Variants in PLXNB1 observed in about 807,000 individuals in gnomAD.
PLXNB1 encodes the protein plexin B1, also known as plexin-B1.
In PLXNB1, 106 loss-of-function variants were observed where a neutral mutation model predicts 209.4. That is an observed-to-expected ratio of 0.51 (90% CI 0.43 to 0.59). The LOEUF is 0.59. Among genes scored for constraint, PLXNB1 ranks in the 20% least tolerant of loss-of-function variants. PLXNB1 has a pLI of 0.00. For synonymous variants in PLXNB1, 1,167 were observed against 1,183.2 expected (o/e 0.99, Z 0.28); for missense variants, 2,357 against 2,853.2 (o/e 0.83, Z 3.96).
Position 48,419,344 on chromosome 3 carries a change from C to G in PLXNB1, c.2732G>C (p.Ser911Thr). 1 of 1,574,898 alleles carries G rather than the reference C, an allele frequency of 6.3e-7. No individual in the cohort carries two copies. The highest frequency in any genetic ancestry group is 8.6e-7 in the Non-Finnish European group (1 of 1,157,180). ...AACGCTCTCCACACAGGGGCAGGAG[C>G]TTGCCCCCAAGGTCGCCTCTTCCTG... is the stretch of plus-strand genomic sequence containing the variant. The part of the protein sequence containing the change: ...WELEEATLGA[S>T]SCPCVESVQG... Residue 911 changes from serine to threonine, a missense_variant, in exon 12 of 38, where the codon AGC becomes ACC. Transcript: ENST00000296440. This position sits in a 1 kb window ranked among gnomAD's most constrained non-coding sequence, Gnocchi z 5.7.
In PLXNB1 at chr3:48,420,870, T is replaced by G; in HGVS notation, c.1897A>C (p.Thr633Pro). Reference sequence around the variant, plus strand: ...CACTGCGCAGATGGGCGGAGTTCAGTGACCGCCACACAGTCATAGAAAGAG... The same window carrying G: ...CACTGCGCAGATGGGCGGAGTTCAGGGACCGCCACACAGTCATAGAAAGAG... ...SLSFYDCVAV[T>P]ELRPSAQCQA... is the part of the protein sequence containing the mutation. The change falls in exon 9 of 38, where the codon ACT becomes CCT. Residue 633 changes from threonine to proline, a missense_variant. Thr to Pro is a conservative substitution (Grantham distance 38, BLOSUM62 -1). Around this residue, in one of 7 missense-constraint regions of PLXNB1, gnomAD observed 214 missense variants for 297.1 expected, o/e 0.72. Coordinates refer to ENST00000296440, the MANE Select transcript of PLXNB1 (RefSeq NM_001130082.3). The G allele has an allele frequency of 1.2e-6, 2 of 1,613,994 alleles. No individual in the cohort carries two copies. The highest frequency in any genetic ancestry group is 1.7e-6 in the Non-Finnish European group (2 of 1,179,846).
chr3:48,409,483 G>A lies in PLXNB1; in HGVS notation c.5940-7C>T. The A allele has an allele frequency of 3.1e-6, 5 of 1,614,154 alleles. No homozygotes were observed. Among genetic ancestry groups the A allele is most frequent in the Non-Finnish European group, 4.2e-6 (5 of 1,180,040 alleles). The stretch of plus-strand genomic sequence containing the variant: ...CCAGAACCTCAGAGGCAAGCTGCGG[G>A]TGGGGCAGGCATGGCCGATGAATGT... On this transcript the variant is annotated splice_polypyrimidine_tract_variant and splice_region_variant and intron_variant, in intron 33 of 37. Transcript: ENST00000296440. This position sits in a 1 kb window ranked among gnomAD's most constrained non-coding sequence, Gnocchi z 5.8.
chr3:48,420,279 G>A (rs1356508116), intron 10 of PLXNB1, 22 bp from the exon 11 acceptor site: 1 of 1,465,946 alleles, frequency 6.8e-7, no homozygotes, highest in Non-Finnish European at 9.3e-7. Flanking sequence ...GGCAGAGGAA[G>A]ACAGGAAGGG....
chr3:48,412,171 A>G (rs2037727450), intron 27 of PLXNB1, 67 bp downstream of exon 27: 1 of 1,549,184 alleles, frequency 6.5e-7, no homozygotes, highest in Non-Finnish European at 8.9e-7. Flanking sequence ...ATGGTGGCTG[A>G]GGGCTTAGAA....
rs1390307655 is a variant in PLXNB1 at position 48,405,432 on chromosome 3, T to C, written c.6303+292A>G. Among the ~76,000 whole-genome samples the C allele has an allele frequency of 6.6e-6, 1 of 152,068 alleles. No homozygotes were observed. Among genetic ancestry groups the C allele is most frequent in the Non-Finnish European group, 1.5e-5 (1 of 68,000 alleles). ...CCCAACATGCTGCCAACTCAGCAAA[T>C]GCACACCATCTCCAGGCCCTGGTAG... On this transcript the variant is annotated intron_variant, in intron 37 of 37. Coordinates refer to ENST00000296440, the MANE Select transcript of PLXNB1 (RefSeq NM_001130082.3). The surrounding 1 kb of genome is among the most constrained non-coding windows in gnomAD (Gnocchi z 5.0).
At position 48,410,045 on chromosome 3, in the gene PLXNB1, C is replaced by T. The variant is rs2037567369; in HGVS notation, c.5638G>A (p.Gly1880Ser). 6.2e-7 allele frequency: 1 copy of T among 1,606,974 alleles called. No individual in the cohort carries two copies. The change falls in exon 32 of 38, where the codon GGC becomes AGC. Residue 1880 changes from glycine (G) to serine (S), a missense_variant. Gly to Ser is a moderately conservative substitution (Grantham distance 56). This residue lies in a region of PLXNB1 where 414 missense variants were observed against 520.5 expected (regional missense o/e 0.80). Coordinates refer to ENST00000296440, the MANE Select transcript of PLXNB1 (RefSeq NM_001130082.3). The surrounding 1 kb of genome is among the most constrained non-coding windows in gnomAD (Gnocchi z 6.4). ...TTCACCAGGTGCCAGGGCCGGATGC[C>T]CCCCTCATCTACATCCTCCAGCATT... The part of the protein sequence containing the change: ...TPMLEDVDEG[G>S]IRPWHLVKPS...
rs780758044 is a variant in PLXNB1 at position 48,417,914 on chromosome 3, C to A, written c.3371G>T (p.Ser1124Ile). The part of the protein sequence containing the change: ...AVDAQEYEVS[S>I]SLVCITGASG... ...CTGCTGGGTGCAGCCAGCTTACCTG[C>A]TGGAGACCTCGTACTCCTGGGCATC... The change falls in exon 16 of 38, where the codon AGC becomes ATC. Residue 1124 changes from serine to isoleucine, a missense_variant. Physicochemically the swap from Ser to Ile is moderately radical, Grantham distance 142. Transcript: ENST00000296440. This position sits in a 1 kb window ranked among gnomAD's most constrained non-coding sequence, Gnocchi z 4.4. 5.0e-6 allele frequency: 8 copies of A among 1,608,616 alleles called. No individual in the cohort carries two copies.
Position 48,404,518 on chromosome 3 carries a change from C to A in PLXNB1, c.6376G>T (p.Ala2126Ser). The change falls in exon 38 of 38, where the codon GCT (alanine) becomes TCT (serine). Residue 2126 changes from alanine (A) to serine (S), a missense_variant. By Grantham distance (99) the Ala-to-Ser change is moderately conservative. This residue lies in a region of PLXNB1 where 414 missense variants were observed against 520.5 expected (regional missense o/e 0.80). Coordinates refer to ENST00000296440, the MANE Select transcript of PLXNB1 (RefSeq NM_001130082.3). The part of the protein sequence containing the change: ...QLGYRLQQIA[A>S]AVENKVTDL ...TCTGTGACCTTGTTTTCCACAGCAG[C>A]TGCAATCTGCTGGAGCCGATAGCCC... 1 of 1,613,138 alleles carries A rather than the reference C, an allele frequency of 6.2e-7. No individual in the cohort carries two copies. The highest frequency in any genetic ancestry group is 8.5e-7 in the Non-Finnish European group (1 of 1,179,184).
Position 48,413,567 on chromosome 3 carries a change from C to T in PLXNB1, c.4535+103G>A. ...AAAGCGAAAATATTTACTCTCTGGC[C>T]ATTTACAGAGAATGTTTCCTGACTC... On this transcript the variant is annotated intron_variant, in intron 23 of 37. Transcript: ENST00000296440. The surrounding 1 kb of genome is among the most constrained non-coding windows in gnomAD (Gnocchi z 5.4). 1.6e-6 allele frequency: 2 copies of T among 1,217,656 alleles called. No homozygotes were observed. Among genetic ancestry groups the T allele is most frequent in the Non-Finnish European group, 2.3e-6 (2 of 885,664 alleles). The allele number at this position is 1,217,656 out of a possible 1,614,324, so 75.4% of individuals were successfully genotyped here.
At position 48,410,688 on chromosome 3, in the gene PLXNB1, A is replaced by C. The variant is rs2037622981; in HGVS notation, c.5417-130T>G. The C allele has an allele frequency of 2.1e-6, 2 of 947,510 alleles. No homozygotes were observed. The highest frequency in any genetic ancestry group is 3.1e-5 in the South Asian group (2 of 63,622). The allele number at this position is 947,510 out of a possible 1,614,324, so 58.7% of individuals were successfully genotyped here. ...GCCTTACTCAACCTCTCCAAAGACC[A>C]AGAGCAGGGACCCCCTCCCCAGATG... is the stretch of plus-strand genomic sequence containing the variant. On this transcript the variant is annotated intron_variant, in intron 29 of 37. Transcript: ENST00000296440. This position sits in a 1 kb window ranked among gnomAD's most constrained non-coding sequence, Gnocchi z 6.4.
Position 48,424,619 on chromosome 3 carries a change from T to C in PLXNB1, c.-6-2A>G. The stretch of plus-strand genomic sequence containing the variant: ...TGGGCCCAGAGCAGGCATGGTCACC[T>C]GGCAGGAAGAGAGGTCGAGAGAGTG... On this transcript the variant is annotated splice_acceptor_variant, in intron 2 of 37. Coordinates refer to ENST00000296440, the MANE Select transcript of PLXNB1 (RefSeq NM_001130082.3). LOFTEE classifies it low-confidence loss of function (5UTR_SPLICE). 1 of 1,535,650 alleles carries C rather than the reference T, an allele frequency of 6.5e-7. No homozygotes were observed. The highest frequency in any genetic ancestry group is 1.2e-5 in the South Asian group (1 of 83,994).
At position 48,422,951 on chromosome 3, in the gene PLXNB1, T is replaced by C. The variant is rs2038631383; in HGVS notation, c.1108-4A>G. 6.8e-6 allele frequency: 11 copies of C among 1,609,418 alleles called. No individual in the cohort carries two copies. The highest frequency in any genetic ancestry group is 1.1e-5 in the South Asian group (1 of 90,918). Reference sequence around the variant, plus strand: ...AGGGATAAGCATCCAGGGTGTCCTATAGGCAGCAAGAAGCATCAGGAAGGC... The same window carrying C: ...AGGGATAAGCATCCAGGGTGTCCTACAGGCAGCAAGAAGCATCAGGAAGGC... On this transcript the variant is annotated splice_region_variant and splice_polypyrimidine_tract_variant and intron_variant, in intron 3 of 37. Coordinates refer to ENST00000296440, the MANE Select transcript of PLXNB1 (RefSeq NM_001130082.3).
intron 10 of PLXNB1, 45 bp from the exon 11 acceptor site, chr3:48,420,302 C>T: frequency 8.3e-7 from 1 of 1,204,446 alleles, no homozygotes; most frequent in Non-Finnish European, 1.2e-6. Flanking sequence ...ACTCAGCAGG[C>T]AGGCGCGGGA....
rs199795107 is a variant in PLXNB1, at chr3:48,414,822, G to T, written c.4186C>A (p.Pro1396Thr). 1 of 1,614,040 alleles carries T rather than the reference G, an allele frequency of 6.2e-7. No homozygotes were observed. Among genetic ancestry groups the T allele is most frequent in the Admixed American group, 1.7e-5 (1 of 60,032 alleles). ...ACCTCCACGGAGAACACACTCCCAG[G>T]CTTGTGCCGGAATGGCATGGTGGGG... ...EDPTMPFRHK[P>T]GSVFSVEGEN... is the part of the protein sequence containing the mutation. Residue 1396 changes from proline to threonine, a missense_variant, in exon 21 of 38, where the codon CCT (proline) becomes ACT (threonine). By Grantham distance (38) the Pro-to-Thr change is conservative. Coordinates refer to ENST00000296440, the MANE Select transcript of PLXNB1 (RefSeq NM_001130082.3).
chr3:48,429,457 G>C lies in PLXNB1; in HGVS notation c.-60+551C>G, dbSNP rs1176789553. On this transcript the variant is annotated intron_variant, in intron 1 of 37. Transcript: ENST00000296440. This position sits in a 1 kb window ranked among gnomAD's most constrained non-coding sequence, Gnocchi z 6.4. Reference sequence around the variant, plus strand: ...GAACAAAGGAGACAAAGCCGCGTCGGCCGGGCTCGTCTCCGCTCCTTCCCC... The same window carrying C: ...GAACAAAGGAGACAAAGCCGCGTCGCCCGGGCTCGTCTCCGCTCCTTCCCC... The C allele has an allele frequency of 6.6e-6, 1 of 151,192 alleles. No homozygotes were observed. Among genetic ancestry groups the C allele is most frequent in the Non-Finnish European group, 1.5e-5 (1 of 67,658 alleles). The allele number at this position is 151,192 out of a possible 1,614,324, so 9.4% of individuals were successfully genotyped here.
At chr3:48,420,346 G>A (rs984474121) in intron 10 of PLXNB1, 89 bp from the exon 11 acceptor site, 3 of 729,478 alleles carry the variant, frequency 4.1e-6, no homozygotes, top group East Asian at 2.7e-5. Context: ...ATGTTAAGAG[G>A]AAAGGAGACC....
chr3:48,427,754 C>A (rs2107037922), intron 1 of PLXNB1, among the ~76,000 whole-genome samples: 1 of 152,338 alleles, frequency 6.6e-6, no homozygotes, highest in African/African-American at 2.4e-5. Context: ...ATCCCATTAA[C>A]TCCTACACCA....
At chr3:48,414,426 C>T (rs1327893698) in intron 21 of PLXNB1, among the ~76,000 whole-genome samples, 1 of 152,188 alleles carries the variant, frequency 6.6e-6, no homozygotes, top group South Asian at 2.1e-4. Context: ...ATCTGCTGCC[C>T]ACTGTGTATG....
intron 34 of PLXNB1, among the ~76,000 whole-genome samples, chr3:48,407,401 T>C (rs781406541): frequency 6.6e-6 from 1 of 152,132 alleles, no homozygotes; most frequent in African/African-American, 2.4e-5. Flanking sequence ...GCAGGACGCA[T>C]GCTGTTCACT....
Sources: gnomAD v4.1 joint callset for allele counts (sites outside exome capture counted in the v4.1 genomes callset) on GRCh38, gnomAD v4.1.1 for gene constraint, gnomAD v4.1.1 regional missense constraint, Gnocchi (gnomAD v3.1) non-coding constraint, MANE v1.5 for transcripts, NCBI Gene and HGNC (gene_info 2026-07-23, HGNC 2026-07-21) for gene names.